Variants in GMDS observed in about 807,000 individuals in gnomAD.
GMDS encodes the protein GDP-mannose 4,6-dehydratase, also known as GDP-mannose 4,6 dehydratase.
In GMDS, 20 loss-of-function variants were observed where a neutral mutation model predicts 49.9. The observed-to-expected ratio is 0.40, with a 90% CI of 0.28 to 0.58. The LOEUF (loss-of-function observed/expected upper bound fraction) is 0.58. GMDS is among the 20% of genes least tolerant of loss of function. The pLI is 0.42. For synonymous variants in GMDS, 177 were observed against 178.6 expected (o/e 0.99, Z 0.07); for missense variants, 362 against 481.4 (o/e 0.75, Z 2.32).
chr6:2,078,163 C>G (rs1772457503), intron 4 of GMDS, among the ~76,000 whole-genome samples: 1 of 151,904 alleles, frequency 6.6e-6, no homozygotes, highest in Non-Finnish European at 1.5e-5. Context: ...GTCATCTCTC[C>G]TTTTCTTGGT....
intron 1 of GMDS, among the ~76,000 whole-genome samples, chr6:2,174,958 G>A (rs959883250): frequency 6.6e-6 from 1 of 152,150 alleles, no homozygotes; most frequent in Non-Finnish European, 1.5e-5. Context: ...GAAGCCTTCA[G>A]GACTTGGGGC....
chr6:2,197,666 CAA>C (rs1409228420), intron 1 of GMDS, among the ~76,000 whole-genome samples: 1 of 152,186 alleles, frequency 6.6e-6, no homozygotes, highest in Non-Finnish European at 1.5e-5. Flanking sequence ...CCATGCAAAT[CAA>C]AGTATCCCAT....
At chr6:1,630,461 C>T (rs1239141920) in intron 9 of GMDS, among the ~76,000 whole-genome samples, 1 of 152,216 alleles carries the variant, frequency 6.6e-6, no homozygotes, top group African/African-American at 2.4e-5. Flanking sequence ...TGGGGCCCAG[C>T]CCAGGAACAT....
At chr6:2,159,445 T>G (rs1187580991) in intron 1 of GMDS, among the ~76,000 whole-genome samples, 1 of 151,880 alleles carries the variant, frequency 6.6e-6, no homozygotes, top group Non-Finnish European at 1.5e-5. Context: ...CAAAACAGAC[T>G]AATATCTACA....
At chr6:1,750,952 T>C (rs1230745182) in intron 7 of GMDS, among the ~76,000 whole-genome samples, 1 of 152,094 alleles carries the variant, frequency 6.6e-6, no homozygotes, top group African/African-American at 2.4e-5. Flanking sequence ...AACAAAGCCA[T>C]CAGGAAGTTC....
intron 7 of GMDS, among the ~76,000 whole-genome samples, chr6:1,897,240 C>T (rs983000977): frequency 6.6e-6 from 1 of 152,174 alleles, no homozygotes; most frequent in Admixed American, 6.5e-5. Flanking sequence ...TCAGTGTGCA[C>T]GTACTCCTGG....
chr6:2,161,035 G>A (rs1777372980), intron 1 of GMDS, among the ~76,000 whole-genome samples: 3 of 150,886 alleles, frequency 2.0e-5, no homozygotes, highest in South Asian at 2.1e-4. Context: ...TTTTTGAGAC[G>A]GAGTCTCTCT....
At chr6:1,941,294 C>T (rs1312768951) in intron 6 of GMDS, among the ~76,000 whole-genome samples, 2 of 151,640 alleles carry the variant, frequency 1.3e-5, no homozygotes, top group Non-Finnish European at 2.9e-5. Flanking sequence ...GTCCTGAGGC[C>T]AGCTGAGACC....
At chr6:1,792,894 C>A (rs1407688485) in intron 7 of GMDS, among the ~76,000 whole-genome samples, 1 of 152,198 alleles carries the variant, frequency 6.6e-6, no homozygotes, top group Non-Finnish European at 1.5e-5. Flanking sequence ...CTTTGTTCAT[C>A]CACTGAGCTG....
chr6:1,854,210 A>T (rs1221267020), intron 7 of GMDS, among the ~76,000 whole-genome samples: 1 of 152,214 alleles, frequency 6.6e-6, no homozygotes, highest in Non-Finnish European at 1.5e-5. Flanking sequence ...CCATACACAG[A>T]TATGTGATAA....
chr6:1,826,294 C>T (rs1001210451), intron 7 of GMDS, among the ~76,000 whole-genome samples: 8 of 152,190 alleles, frequency 5.3e-5, no homozygotes, highest in African/African-American at 1.7e-4. Flanking sequence ...CTGGTATCAA[C>T]ACTGTATATG....
chr6:1,732,196 G>A (rs572563074), intron 8 of GMDS, among the ~76,000 whole-genome samples: 9 of 152,142 alleles, frequency 5.9e-5, no homozygotes, highest in South Asian at 4.2e-4. Flanking sequence ...GCGTGGTGGC[G>A]GGCACCTGTA....
In GMDS at chr6:1,675,004, C is replaced by T. The variant is rs1359825419; in HGVS notation, c.988-50464G>A. On this transcript the variant is annotated intron_variant, in intron 9 of 10. Coordinates refer to ENST00000380815, the MANE Select transcript of GMDS (RefSeq NM_001500.4). ...CCAGGCTGGAGTGCAATGATGCGAT[C>T]TCGGCTCACTGCAACCTCCACCTCC... 2.0e-5 allele frequency among the ~76,000 whole-genome samples: 3 copies of T among 151,992 alleles called. No individual in the cohort carries two copies. The East Asian group carries it at 5.8e-4, about 29-fold the overall frequency.
At chr6:1,668,270 TA>T (rs1318145027) in intron 9 of GMDS, among the ~76,000 whole-genome samples, 2 of 152,256 alleles carry the variant, frequency 1.3e-5, no homozygotes, top group Non-Finnish European at 2.9e-5. Flanking sequence ...GTTAAAATGC[TA>T]AAATAGGATA....
At chr6:1,754,317 C>T (rs1389556817) in intron 7 of GMDS, among the ~76,000 whole-genome samples, 3 of 152,170 alleles carry the variant, frequency 2.0e-5, no homozygotes, top group African/African-American at 4.8e-5. Context: ...CACATACACC[C>T]TCCCAAGACT....
intron 7 of GMDS, among the ~76,000 whole-genome samples, chr6:1,860,690 C>T (rs563959311): frequency 3.3e-5 from 5 of 152,260 alleles, no homozygotes; most frequent in Admixed American, 2.6e-4. Context: ...AAAAAAAGGA[C>T]GAGAAGAGTC....
chr6:1,700,893 TGACA>T (rs1388118246), intron 9 of GMDS, among the ~76,000 whole-genome samples: 8 of 152,112 alleles, frequency 5.3e-5, no homozygotes, highest in African/African-American at 1.9e-4. Flanking sequence ...AAAAGATAAC[TGACA>T]GACAGGTGGC....
intron 9 of GMDS, among the ~76,000 whole-genome samples, chr6:1,666,140 T>C (rs1764229202): frequency 6.6e-6 from 1 of 152,154 alleles, no homozygotes; most frequent in South Asian, 2.1e-4. Flanking sequence ...GTGAACTGAT[T>C]AGGCATTTGC....
chr6:1,849,485 A>G (rs1366355944), intron 7 of GMDS, among the ~76,000 whole-genome samples: 1 of 152,202 alleles, frequency 6.6e-6, no homozygotes, highest in African/African-American at 2.4e-5. Flanking sequence ...AAAAAAGCAA[A>G]CAGCACTGTT....
Sources: allele counts gnomAD v4.1 joint callset (sites outside exome capture counted in the v4.1 genomes callset), GRCh38; gene constraint gnomAD v4.1.1; transcripts MANE v1.5; gene names NCBI Gene and HGNC (gene_info 2026-07-23, HGNC 2026-07-21).